The following NAV1 variants were observed in gnomAD, a reference collection of about 807,000 sequenced individuals.
The protein encoded by NAV1 is neuron navigator 1.
NAV1 carries 18 observed loss-of-function variants against 175.2 expected under a neutral mutation model. The ratio of observed to expected loss-of-function variants is 0.10; its 90% CI spans 0.07 to 0.15. NAV1 has a LOEUF of 0.15. NAV1 is among the 10% of genes least tolerant of loss of function. The probability of loss-of-function intolerance (pLI) is 1.00; values close to 1 mark genes in which losing one functional copy is unlikely to be tolerated. For synonymous variants in NAV1, 897 were observed against 978.7 expected (o/e 0.92, Z 1.56); for missense variants, 1,731 against 2,436.6 (o/e 0.71, Z 6.10).
Position 201,672,985 on chromosome 1 carries a change from A to G in NAV1, c.757+23560A>G, listed in dbSNP as rs980834757. 6.6e-5 allele frequency: 10 copies of G among 152,212 alleles called. No homozygotes were observed. The East Asian group carries it at 7.7e-4, about 12-fold the overall frequency. 9.4% of individuals were successfully genotyped at this position (152,212 alleles called of 1,614,324 possible). On this transcript the variant is annotated intron_variant, in intron 1 of 29. Coordinates refer to ENST00000367296, the Ensembl canonical transcript of NAV1. ...CATGTAGAACTCTGCCCACTGGCCA[A>G]TCAGCAAGCAGTACCGAAGAAAAGC...
At chr1:201,554,406 C>A (rs547774120) in intron 1 of NAV1, among the ~76,000 whole-genome samples, 1 of 152,246 alleles carries the variant, frequency 6.6e-6, no homozygotes, top group South Asian at 2.1e-4. Context: ...CAGAACCTAG[C>A]AAGCAGTGGG....
chr1:201,769,308 G>T (rs1675413925), intron 3 of NAV1, among the ~76,000 whole-genome samples: 1 of 152,116 alleles, frequency 6.6e-6, no homozygotes, highest in Non-Finnish European at 1.5e-5. Flanking sequence ...ACTTATCTTG[G>T]TTTTCAGATT....
At chr1:201,735,289 A>G (rs1391721930) in intron 3 of NAV1, among the ~76,000 whole-genome samples, 1 of 152,246 alleles carries the variant, frequency 6.6e-6, no homozygotes, top group Non-Finnish European at 1.5e-5. Context: ...TGAGCTAGTC[A>G]CTTGCCCTGT....
At chr1:201,806,362 T>C (rs1401528760) in intron 17 of NAV1, among the ~76,000 whole-genome samples, 1 of 152,188 alleles carries the variant, frequency 6.6e-6, no homozygotes, top group African/African-American at 2.4e-5. Context: ...TCATTTTGCT[T>C]AATCCATTGT....
Position 201,813,310 on chromosome 1 carries a change from C to A in NAV1, c.5340+52C>A. 1 of 1,159,414 alleles carries A rather than the reference C, an allele frequency of 8.6e-7. No homozygotes were observed. Among genetic ancestry groups the A allele is most frequent in the Non-Finnish European group, 1.3e-6 (1 of 782,756 alleles). The allele number at this position is 1,159,414 out of a possible 1,614,324, so 71.8% of individuals were successfully genotyped here. ...CCTAAGATCAGGCTGTCCTACCTAA[C>A]AAAGTAGGAATGTTTCTTTAATGTT... On this transcript the variant is annotated intron_variant, in intron 28 of 29. Coordinates refer to ENST00000367296, the Ensembl canonical transcript of NAV1. This position sits in a 1 kb window ranked among gnomAD's most constrained non-coding sequence, Gnocchi z 4.2.
At chr1:201,642,975 C>T (rs1475133816) in intron 2 of NAV1, among the ~76,000 whole-genome samples, 6 of 150,882 alleles carry the variant, frequency 4.0e-5, no homozygotes, top group East Asian at 1.9e-4. Flanking sequence ...GGGGTTTCAC[C>T]GTGTTAGCCA....
chr1:201,542,552 C>G (rs1200608765), intron 1 of NAV1, among the ~76,000 whole-genome samples: 1 of 152,200 alleles, frequency 6.6e-6, no homozygotes, highest in East Asian at 1.9e-4. Flanking sequence ...GGAAGGCTGA[C>G]TCAGGCCTGA....
At position 201,694,756 on chromosome 1, in the gene NAV1, C is replaced by T. The variant is rs111290612; in HGVS notation, c.758-18061C>T. ...GGGCGAGATGCAGTCTCCAGAGTGA[C>T]GCAGTGGGACGAGCCCTGGAGCTGG... On this transcript the variant is annotated intron_variant, in intron 1 of 29. Transcript: ENST00000367296. The surrounding 1 kb of genome is among the most constrained non-coding windows in gnomAD (Gnocchi z 4.2). 5.4e-3 allele frequency among the ~76,000 whole-genome samples: 825 copies of T among 152,286 alleles called. 6 individuals are homozygous for T. The highest frequency in any genetic ancestry group is 0.019 in the African/African-American group (788 of 41,554).
At chr1:201,819,201 G>A (rs1248150671) in intron 29 of NAV1, among the ~76,000 whole-genome samples, 2 of 152,114 alleles carry the variant, frequency 1.3e-5, no homozygotes, top group Non-Finnish European at 2.9e-5. Context: ...CCCAGTATTC[G>A]TTGGTATGTT....
chr1:201,761,416 C>T (rs1674834206), intron 3 of NAV1, among the ~76,000 whole-genome samples: 1 of 152,138 alleles, frequency 6.6e-6, no homozygotes, highest in Admixed American at 6.5e-5. Flanking sequence ...AGCAGTCTGG[C>T]CTGGGTCTTT....
chr1:201,794,915 A>C (rs76198646), intron 15 of NAV1: 3 of 224,730 alleles, frequency 1.3e-5, no homozygotes, highest in African/African-American at 4.6e-5. Flanking sequence ...CACACACACA[A>C]ACAATCTTAT....
rs765970561 is a variant in NAV1 at position 201,808,415 on chromosome 1, C to T, written c.3846-3C>T. On this transcript the variant is annotated splice_polypyrimidine_tract_variant and splice_region_variant and intron_variant, in intron 18 of 29. Transcript: ENST00000367296. This position sits in a 1 kb window ranked among gnomAD's most constrained non-coding sequence, Gnocchi z 5.5. ...GCCTGGCTTGACTCTTGCTATCTTACAGGGGCCCTGCTCACCCAGCCCCCC... is the reference window on the plus strand; with the variant it reads ...GCCTGGCTTGACTCTTGCTATCTTATAGGGGCCCTGCTCACCCAGCCCCCC... 74 of 1,608,580 alleles carry T rather than the reference C, an allele frequency of 4.6e-5. No individual in the cohort carries two copies. Among genetic ancestry groups the T allele is most frequent in the African/African-American group, 1.1e-4 (8 of 74,764 alleles).
intron 3 of NAV1, among the ~76,000 whole-genome samples, chr1:201,773,138 C>T (rs1675706766): frequency 6.6e-6 from 1 of 152,096 alleles, no homozygotes; most frequent in African/African-American, 2.4e-5. Context: ...TAGTCTGGCT[C>T]CAACATCTGT....
chr1:201,645,738 C>T (rs1160593207), upstream of NAV1, among the ~76,000 whole-genome samples: 2 of 151,834 alleles, frequency 1.3e-5, no homozygotes, highest in Non-Finnish European at 2.9e-5. Flanking sequence ...CAGTGAATTT[C>T]CCTTTGTCTG....
At chr1:201,606,098 G>T (rs548500985) in intron 2 of NAV1, among the ~76,000 whole-genome samples, 40 of 152,328 alleles carry the variant, frequency 2.6e-4, no homozygotes, top group African/African-American at 9.4e-4. Context: ...TCACCACATG[G>T]CTATGGGATC....
chr1:201,777,928 A>C (rs1431726921), intron 3 of NAV1, among the ~76,000 whole-genome samples: 1 of 152,106 alleles, frequency 6.6e-6, no homozygotes, highest in East Asian at 1.9e-4. Flanking sequence ...CAGTGAGAGG[A>C]AAGAAAGAAA....
At chr1:201,548,894 G>T (rs55780417) in intron 1 of NAV1, among the ~76,000 whole-genome samples, 4,337 of 152,298 alleles carry the variant, frequency 0.028, 89 homozygotes, top group Non-Finnish European at 0.043. Flanking sequence ...GTTATCTAGA[G>T]TTTACGTGGA....
At chr1:201,602,768 C>T (rs887767683) in intron 2 of NAV1, among the ~76,000 whole-genome samples, 9 of 151,786 alleles carry the variant, frequency 5.9e-5, no homozygotes, top group African/African-American at 1.7e-4. Flanking sequence ...GGGCATGCTC[C>T]AGGGGGACAG....
At chr1:201,648,990 G>A in exon 1 of NAV1, 2 of 1,613,450 alleles carry the variant, frequency 1.2e-6, no homozygotes, top group South Asian at 1.1e-5. Context: ...GCAGCTTTAT[G>A]AGCCCGAATG....
Sources: allele counts gnomAD v4.1 joint callset (sites outside exome capture counted in the v4.1 genomes callset), GRCh38; gene constraint gnomAD v4.1.1; non-coding constraint Gnocchi (gnomAD v3.1); transcripts MANE v1.5; gene names NCBI Gene and HGNC (gene_info 2026-07-23, HGNC 2026-07-21).